ARHGEF10: variants seen among roughly 807,000 people sequenced by gnomAD.
The protein encoded by ARHGEF10 is Rho guanine nucleotide exchange factor (GEF) 10.
ARHGEF10 carries 140 observed loss-of-function variants against 147.4 expected under a neutral mutation model. The observed-to-expected ratio is 0.95, with a 90% CI of 0.83 to 1.09. ARHGEF10 has a LOEUF of 1.09. ARHGEF10 is among the 50% of genes least tolerant of loss of function. The probability of loss-of-function intolerance (pLI) is 0.00; values close to 1 mark genes in which losing one functional copy is unlikely to be tolerated. For missense variants in ARHGEF10, 2,222 were observed against 1,752.7 expected, an observed-to-expected ratio of 1.27 and a Z score of -4.78; for synonymous variants, 902 against 695.8, an observed-to-expected ratio of 1.30 and a Z score of -4.67.
rs1563185702 is a variant in ARHGEF10, at chr8:1,857,926, C to CTATT, written c.38-33_38-32insATTT. ...TCTATCTATCTATCTATCTATCTAT[C>CTATT]TCTCCTTGATGTGGTTTTGGTTTTT... On this transcript the variant is annotated intron_variant, in intron 2 of 28. Coordinates refer to ENST00000349830, the MANE Select transcript of ARHGEF10 (RefSeq NM_014629.4). The CTATT allele has an allele frequency of 6.6e-6, 10 of 1,522,430 alleles. No homozygotes were observed. In the East Asian group the frequency reaches 2.0e-4, roughly 31 times the overall value. 94.3% of individuals were successfully genotyped at this position (1,522,430 alleles called of 1,614,324 possible).
chr8:1,926,717 G>C, intron 23 of ARHGEF10: 1 of 554,718 alleles, frequency 1.8e-6, no homozygotes, highest in South Asian at 2.1e-5. Flanking sequence ...GTTGAGTCCA[G>C]AGACAACTAA....
chr8:1,876,542 TA>T (rs1428707764), intron 7 of ARHGEF10, 28 bp from the exon 8 acceptor site: 1 of 1,610,946 alleles, frequency 6.2e-7, no homozygotes, highest in Non-Finnish European at 8.5e-7. Flanking sequence ...TCTAAAGTTT[TA>T]ATTTCATTTT....
intron 27 of ARHGEF10, among the ~76,000 whole-genome samples, chr8:1,950,764 G>A (rs111858629): frequency 0.14 from 19,217 of 141,024 alleles, 1,335 homozygotes; most frequent in East Asian, 0.22. Context: ...ATTTTTAGTA[G>A]GGATGGGGTT....
chr8:1,888,231 A>C (rs200111562), intron 11 of ARHGEF10, among the ~76,000 whole-genome samples: 789 of 54,470 alleles, frequency 0.014, 28 homozygotes, highest in East Asian at 0.05. Context: ...GCGAGGAGAC[A>C]GTGAGTGTGG....
chr8:1,862,803 G>C lies in ARHGEF10; in HGVS notation c.482-1570G>C, dbSNP rs141053635. ...TTTTTTTTTTTTTTTTTTTGAGACA[G>C]AGTCTCGCTCTGTCGCTCAGGCTGG... On this transcript the variant is annotated intron_variant, in intron 4 of 28. Transcript: ENST00000349830. 9.5e-3 allele frequency among the ~76,000 whole-genome samples: 1,313 copies of C among 138,256 alleles called. 32 individuals are homozygous for C. Among genetic ancestry groups the C allele is most frequent in the African/African-American group, 0.034 (1,245 of 36,602 alleles). The allele number at this position is 138,256 out of a possible 152,430, so 90.7% of individuals were successfully genotyped here. A position where few individuals can be genotyped will look rare whatever the true frequency, so the allele number is the denominator to read the frequency against.
At chr8:1,898,654 T>A in intron 15 of ARHGEF10, 129 bp downstream of exon 15, 1 of 957,320 alleles carries the variant, frequency 1.0e-6, no homozygotes, top group Non-Finnish European at 1.6e-6. Flanking sequence ...TCTAGGCAGT[T>A]ACAGGAGGTG....
Position 1,873,555 on chromosome 8 carries a change from C to G in ARHGEF10, c.680-3016C>G, listed in dbSNP as rs71518098. Among the ~76,000 whole-genome samples, 38 of 46,940 alleles carry G rather than the reference C, an allele frequency of 8.1e-4. No individual in the cohort carries two copies. The East Asian group carries it at 8.9e-3, about 11-fold the overall frequency. 30.8% of individuals were successfully genotyped at this position (46,940 alleles called of 152,430 possible). On this transcript the variant is annotated intron_variant, in intron 7 of 28. Transcript: ENST00000349830. ...TAGTGCACCCGCATTTCCTAGTTGC[C>G]TTGAGAGGTGCCGCGGGGTAGTGCA...
chr8:1,955,458 GATGGGTAGCT>G (rs1815469046), intron 28 of ARHGEF10, among the ~76,000 whole-genome samples: 11 of 146,650 alleles, frequency 7.5e-5, no homozygotes, highest in African/African-American at 2.8e-4. Context: ...TGTTTCTCTG[GATGGGTAGCT>G]AGGAGCATCC....
chr8:1,943,274 G>A (rs1563320950), intron 26 of ARHGEF10, among the ~76,000 whole-genome samples: 1 of 152,132 alleles, frequency 6.6e-6, no homozygotes, highest in Non-Finnish European at 1.5e-5. Context: ...ATGCTTTGGG[G>A]CTCAATGACA....
intron 1 of ARHGEF10, among the ~76,000 whole-genome samples, chr8:1,831,449 G>A (rs947799092): frequency 7.1e-6 from 1 of 141,300 alleles, no homozygotes; most frequent in Admixed American, 7.0e-5. Flanking sequence ...TGGAGGGACA[G>A]TGTGACGGCC....
intron 15 of ARHGEF10, among the ~76,000 whole-genome samples, chr8:1,901,432 C>G (rs772293640): frequency 6.6e-6 from 1 of 152,190 alleles, no homozygotes; most frequent in African/African-American, 2.4e-5. Context: ...GCAGTGAAAC[C>G]GGCTCACCCT....
In ARHGEF10 at chr8:1,937,151, G is replaced by C. The variant is rs181395443; in HGVS notation, c.3222+3209G>C. Among the ~76,000 whole-genome samples the C allele has an allele frequency of 6.6e-6, 1 of 152,298 alleles. No individual in the cohort carries two copies. The highest frequency in any genetic ancestry group is 1.9e-4 in the East Asian group (1 of 5,172). On this transcript the variant is annotated intron_variant, in intron 26 of 28. Transcript: ENST00000349830. The surrounding 1 kb of genome is among the most constrained non-coding windows in gnomAD (Gnocchi z 4.9). Reference sequence around the variant, plus strand: ...AGGGAGGTTGGGGTACATGTTAGATGATTTTTGGCAGTATTGTTCCTGTTA... The same window carrying C: ...AGGGAGGTTGGGGTACATGTTAGATCATTTTTGGCAGTATTGTTCCTGTTA...
chr8:1,843,577 C>G (rs1343785679), intron 2 of ARHGEF10, 141 bp downstream of exon 2: 8 of 732,032 alleles, frequency 1.1e-5, no homozygotes, highest in Non-Finnish European at 1.9e-5. Context: ...AGAGAAGGTT[C>G]TGACGTGAGC....
At chr8:1,829,647 G>A (rs1410847907) in intron 1 of ARHGEF10, among the ~76,000 whole-genome samples, 1 of 152,212 alleles carries the variant, frequency 6.6e-6, no homozygotes, top group East Asian at 1.9e-4. Context: ...TTCTTGCAGA[G>A]CAGGGCTGAG....
At chr8:1,913,434 C>T (rs2129190506) in intron 18 of ARHGEF10, among the ~76,000 whole-genome samples, 1 of 152,340 alleles carries the variant, frequency 6.6e-6, no homozygotes, top group South Asian at 2.1e-4. Flanking sequence ...TGCAAATATT[C>T]ATCATTTACT....
intron 8 of ARHGEF10, 26 bp downstream of exon 8, chr8:1,876,760 G>C: frequency 6.2e-7 from 1 of 1,613,676 alleles, no homozygotes; most frequent in Non-Finnish European, 8.5e-7. Context: ...ACATGTGAGG[G>C]ATGGTTCTCT....
chr8:1,885,775 G>T, intron 11 of ARHGEF10, 68 bp downstream of exon 11: 2 of 1,225,086 alleles, frequency 1.6e-6, no homozygotes, highest in East Asian at 2.3e-5. Flanking sequence ...ATATTTGTGT[G>T]TTTGATGCTG....
chr8:1,858,316 A>G lies in ARHGEF10; in HGVS notation c.193+201A>G, dbSNP rs1335947952. Among the ~76,000 whole-genome samples the G allele has an allele frequency of 2.0e-5, 3 of 151,904 alleles. No individual in the cohort carries two copies. The East Asian group carries it at 5.9e-4, about 30-fold the overall frequency. On this transcript the variant is annotated intron_variant, in intron 3 of 28. Coordinates refer to ENST00000349830, the MANE Select transcript of ARHGEF10 (RefSeq NM_014629.4). ...GCATCAGGGTCACCTGTGCTCAGCC[A>G]TCGGACTCGCCGATTTTCTCCCCAT...
intron 1 of ARHGEF10, among the ~76,000 whole-genome samples, chr8:1,835,366 C>T (rs1051113305): frequency 6.6e-6 from 1 of 152,158 alleles, no homozygotes; most frequent in Non-Finnish European, 1.5e-5. Flanking sequence ...GCAGCTGAGG[C>T]CGTGGGGGTA....
Sources: gnomAD v4.1 joint callset for allele counts (sites outside exome capture counted in the v4.1 genomes callset) on GRCh38, gnomAD v4.1.1 for gene constraint, Gnocchi (gnomAD v3.1) non-coding constraint, MANE v1.5 for transcripts, NCBI Gene and HGNC (gene_info 2026-07-23, HGNC 2026-07-21) for gene names.